KAT6B: variants seen among roughly 807,000 people sequenced by gnomAD.
The protein encoded by KAT6B is histone acetyltransferase KAT6B.
KAT6B carries 10 observed loss-of-function variants against 187.5 expected under a neutral mutation model. The observed-to-expected ratio is 0.05, with a 90% CI of 0.03 to 0.09. KAT6B has a LOEUF of 0.09. Ranked by LOEUF, KAT6B falls within the 10% of genes least tolerant of loss-of-function variation. The pLI is 1.00. For synonymous variants in KAT6B, 861 were observed against 926.8 expected (o/e 0.93, Z 1.29); for missense variants, 1,952 against 2,558.9 (o/e 0.76, Z 5.12).
intron 3 of KAT6B, among the ~76,000 whole-genome samples, chr10:74,932,978 A>G (rs926028026): frequency 1.3e-5 from 2 of 152,214 alleles, no homozygotes; most frequent in Non-Finnish European, 2.9e-5. Flanking sequence ...CCTTCTTTAT[A>G]CAATTTGAGC....
At chr10:74,881,221 T>A (rs531115637) in intron 3 of KAT6B, among the ~76,000 whole-genome samples, 3 of 152,260 alleles carry the variant, frequency 2.0e-5, no homozygotes, top group African/African-American at 4.8e-5. Flanking sequence ...TCTTTAAGCC[T>A]CCTTAAGGAG....
chr10:74,922,846 C>T (rs773871562), intron 3 of KAT6B, among the ~76,000 whole-genome samples: 5 of 152,068 alleles, frequency 3.3e-5, no homozygotes, highest in South Asian at 2.1e-4. Context: ...TTTCTGTAGT[C>T]ATATTTTTTT....
At chr10:75,020,263 G>A (rs1443280878) in intron 13 of KAT6B, among the ~76,000 whole-genome samples, 2 of 152,192 alleles carry the variant, frequency 1.3e-5, no homozygotes, top group African/African-American at 2.4e-5. Flanking sequence ...AGCTGTGGGA[G>A]ACTTAGATGT....
intron 3 of KAT6B, among the ~76,000 whole-genome samples, chr10:74,959,362 G>A (rs1840930191): frequency 6.6e-6 from 1 of 152,122 alleles, no homozygotes. Context: ...TAAGCATATA[G>A]ATAATAGAAA....
At chr10:74,964,523 A>G (rs1841324689) in intron 4 of KAT6B, among the ~76,000 whole-genome samples, 1 of 152,038 alleles carries the variant, frequency 6.6e-6, no homozygotes, top group Admixed American at 6.6e-5. Flanking sequence ...GTTTCTTCAG[A>G]TGTCTGTCGT....
chr10:75,007,022 C>T (rs1383186415), intron 13 of KAT6B, among the ~76,000 whole-genome samples: 3 of 148,814 alleles, frequency 2.0e-5, no homozygotes, highest in Non-Finnish European at 4.4e-5. Context: ...GAGCTGAGAT[C>T]GTGCCACTGT....
chr10:74,902,197 A>G (rs563010919), intron 3 of KAT6B, among the ~76,000 whole-genome samples: 8 of 152,268 alleles, frequency 5.3e-5, no homozygotes, highest in African/African-American at 1.4e-4. Flanking sequence ...ATCAGTTTGC[A>G]GGGGCTCTTG....
intron 3 of KAT6B, among the ~76,000 whole-genome samples, chr10:74,942,476 C>A (rs555586551): frequency 6.6e-6 from 1 of 151,880 alleles, no homozygotes; most frequent in African/African-American, 2.4e-5. Context: ...TTATAAAAAG[C>A]CATATCTGGC....
In KAT6B at chr10:74,843,256, C is replaced by G; in HGVS notation, c.399C>G (p.Leu133=). The G allele has an allele frequency of 5.0e-6, 8 of 1,614,160 alleles. No individual in the cohort carries two copies. The highest frequency in any genetic ancestry group is 6.8e-6 in the Non-Finnish European group (8 of 1,180,030). Reference sequence around the variant, plus strand: ...CCCTGAAGAACATAGAGAAGTATCTCAGAAGTCAAAGTGATCTCACAAGCA... The same window carrying G: ...CCCTGAAGAACATAGAGAAGTATCTGAGAAGTCAAAGTGATCTCACAAGCA... The part of the protein sequence containing the change: ...GSSLKNIEKY[L]RSQSDLTSTT... The change falls in exon 3 of 18, where the codon CTC becomes CTG. Residue 133 remains leucine, a synonymous_variant. Transcript: ENST00000287239.
At chr10:74,937,356 C>G (rs535001587) in intron 3 of KAT6B, among the ~76,000 whole-genome samples, 2 of 152,306 alleles carry the variant, frequency 1.3e-5, no homozygotes, top group East Asian at 1.9e-4. Flanking sequence ...ACAACATCAT[C>G]ATCATAATAG....
chr10:74,899,175 G>C (rs1369261329), intron 3 of KAT6B, among the ~76,000 whole-genome samples: 1 of 149,428 alleles, frequency 6.7e-6, no homozygotes, highest in Non-Finnish European at 1.5e-5. Context: ...AAAAAAAATA[G>C]TATCAATGAA....
At chr10:74,858,001 C>T (rs985508221) in intron 3 of KAT6B, among the ~76,000 whole-genome samples, 3 of 151,306 alleles carry the variant, frequency 2.0e-5, no homozygotes, top group African/African-American at 7.3e-5. Flanking sequence ...CTAGCCTGGG[C>T]GACTGAGCAG....
intron 7 of KAT6B, 57 bp downstream of exon 7, chr10:74,972,696 A>G: frequency 2.7e-6 from 4 of 1,475,398 alleles, no homozygotes; most frequent in Middle Eastern, 1.7e-4. Context: ...AATATAGGTG[A>G]TTGTTATTCT....
At chr10:75,018,154 C>G (rs1165906194) in intron 13 of KAT6B, among the ~76,000 whole-genome samples, 2 of 152,208 alleles carry the variant, frequency 1.3e-5, no homozygotes, top group Non-Finnish European at 2.9e-5. Flanking sequence ...CTTTACAGCA[C>G]CCAGGGAAGC....
intron 12 of KAT6B, 137 bp downstream of exon 12, chr10:74,985,378 CAG>C: frequency 1.1e-6 from 1 of 894,522 alleles, no homozygotes; most frequent in South Asian, 1.6e-5. Flanking sequence ...GGTTCTTGTT[CAG>C]AGCTCATTTT....
intron 3 of KAT6B, among the ~76,000 whole-genome samples, chr10:74,855,093 T>C (rs1842729263): frequency 6.6e-6 from 1 of 152,188 alleles, no homozygotes. Context: ...GCAGGAGAGG[T>C]AATTGAGATA....
intron 3 of KAT6B, among the ~76,000 whole-genome samples, chr10:74,917,269 C>T (rs1847759175): frequency 6.6e-6 from 1 of 152,048 alleles, no homozygotes; most frequent in South Asian, 2.1e-4. Context: ...CCCTGATAAC[C>T]ACTTATATAA....
intron 3 of KAT6B, among the ~76,000 whole-genome samples, chr10:74,862,337 A>G (rs1351578756): frequency 6.6e-6 from 1 of 152,128 alleles, no homozygotes; most frequent in Non-Finnish European, 1.5e-5. Context: ...CAAAAAGAGT[A>G]TTTTTCTGGA....
intron 3 of KAT6B, among the ~76,000 whole-genome samples, chr10:74,876,295 G>T (rs1034941553): frequency 2.0e-5 from 3 of 152,124 alleles, no homozygotes; most frequent in Admixed American, 6.5e-5. Context: ...TCTCTCCTAT[G>T]TGGGGAATGT....
Sources: allele counts gnomAD v4.1 joint callset (sites outside exome capture counted in the v4.1 genomes callset), GRCh38; gene constraint gnomAD v4.1.1; transcripts MANE v1.5; gene names NCBI Gene and HGNC (gene_info 2026-07-23, HGNC 2026-07-21).